NAALADL2: variants seen among roughly 807,000 people sequenced by gnomAD.
NAALADL2 encodes the protein N-acetylated alpha-linked acidic dipeptidase like 2.
In NAALADL2, 76 loss-of-function variants were observed where a neutral mutation model predicts 87.2. The observed-to-expected ratio is 0.87, with a 90% confidence interval of 0.72 to 1.05. NAALADL2 has a LOEUF of 1.05. Ranked by LOEUF, NAALADL2 falls within the 50% of genes least tolerant of loss-of-function variation. NAALADL2 has a pLI of 0.00. For missense variants in NAALADL2, 1,089 were observed against 945.8 expected, an observed-to-expected ratio of 1.15 and a Z score of -1.99; for synonymous variants, 354 against 331.0, an observed-to-expected ratio of 1.07 and a Z score of -0.75.
At chr3:174,597,572 T>C (rs1409953643) in intron 2 of NAALADL2, among the ~76,000 whole-genome samples, 1 of 152,202 alleles carries the variant, frequency 6.6e-6, no homozygotes, top group Non-Finnish European at 1.5e-5. Flanking sequence ...CCTTTCCATA[T>C]ACAATATTTT....
chr3:175,328,220 C>CA (rs145381328), intron 5 of NAALADL2, among the ~76,000 whole-genome samples: 6,639 of 152,222 alleles, frequency 0.044, 471 homozygotes, highest in African/African-American at 0.15. Context: ...ATACCACATA[C>CA]ACACCCATGT....
intron 13 of NAALADL2, among the ~76,000 whole-genome samples, chr3:175,771,138 C>T (rs1583175522): frequency 6.6e-6 from 1 of 151,862 alleles, no homozygotes; most frequent in East Asian, 1.9e-4. Flanking sequence ...AAATGTTTGC[C>T]CTTTTATTTT....
At chr3:174,999,913 A>G (rs1372537947) in intron 1 of NAALADL2, among the ~76,000 whole-genome samples, 1 of 152,158 alleles carries the variant, frequency 6.6e-6, no homozygotes, top group Non-Finnish European at 1.5e-5. Flanking sequence ...CCAAATGGAG[A>G]ACTTCTAGTT....
chr3:174,874,994 G>T (rs561992172), intron 1 of NAALADL2, among the ~76,000 whole-genome samples: 4 of 151,576 alleles, frequency 2.6e-5, no homozygotes, highest in Middle Eastern at 3.4e-3. Flanking sequence ...TGCACCCATA[G>T]TCCCAGCTAT....
chr3:175,199,835 TATATATATATATATATATATA>T (rs1739583083), intron 2 of NAALADL2, among the ~76,000 whole-genome samples: 3 of 11,252 alleles, frequency 2.7e-4, no homozygotes, highest in African/African-American at 3.8e-4. Context: ...TATATATATA[TATATATATATATATATATATA>T]TATATATATT....
chr3:174,828,167 C>CAACACAACACAACACAACACA (rs1553866755), intron 3 of NAALADL2, among the ~76,000 whole-genome samples: 2 of 151,576 alleles, frequency 1.3e-5, no homozygotes, highest in African/African-American at 4.9e-5. Flanking sequence ...AAACCAACCA[C>CAACACAACACAACACAACACA]ACACAACACA....
chr3:175,263,609 A>T (rs984209289), intron 4 of NAALADL2, among the ~76,000 whole-genome samples: 1 of 151,892 alleles, frequency 6.6e-6, no homozygotes, highest in Non-Finnish European at 1.5e-5. Context: ...TATAGTTAGC[A>T]TTCATAATCC....
intron 2 of NAALADL2, among the ~76,000 whole-genome samples, chr3:175,117,430 A>G (rs988288275): frequency 4.6e-5 from 7 of 152,224 alleles, no homozygotes; most frequent in East Asian, 1.9e-4. Context: ...AAATCAAACA[A>G]CCTCATCAAA....
At chr3:175,320,583 A>G (rs892918433) in intron 4 of NAALADL2, among the ~76,000 whole-genome samples, 3 of 152,186 alleles carry the variant, frequency 2.0e-5, no homozygotes, top group Admixed American at 6.5e-5. Context: ...CAGTATTTCA[A>G]CATTTTAATG....
Position 175,335,592 on chromosome 3 carries a change from A to G in NAALADL2, c.1090+11267A>G, listed in dbSNP as rs114175748. On this transcript the variant is annotated intron_variant, in intron 5 of 13. Coordinates refer to ENST00000454872, the MANE Select transcript of NAALADL2 (RefSeq NM_207015.3). ...TATTTTCTATTTTTAGAATTCTCTG[A>G]AGAGTTTTTGAATTTTAAGTATGTA... 5.5e-3 allele frequency among the ~76,000 whole-genome samples: 840 copies of G among 152,306 alleles called. 10 individuals are homozygous for G. Among genetic ancestry groups the G allele is most frequent in the African/African-American group, 0.019 (777 of 41,564 alleles).
chr3:175,643,928 C>A (rs950062408), intron 11 of NAALADL2, among the ~76,000 whole-genome samples: 1 of 152,026 alleles, frequency 6.6e-6, no homozygotes, highest in African/African-American at 2.4e-5. Context: ...TGGCAATTTT[C>A]CTTGATATGA....
intron 2 of NAALADL2, among the ~76,000 whole-genome samples, chr3:174,700,913 T>A (rs1729484692): frequency 6.6e-6 from 1 of 152,106 alleles, no homozygotes. Context: ...GCAAGTGCAA[T>A]GGTCCTGTTG....
chr3:174,934,896 T>C (rs1031212482), intron 1 of NAALADL2, among the ~76,000 whole-genome samples: 2 of 151,666 alleles, frequency 1.3e-5, no homozygotes, highest in African/African-American at 4.9e-5. Context: ...TCCTTTTGGG[T>C]GGAGCACCGA....
At chr3:175,194,337 A>G (rs2109081445) in intron 2 of NAALADL2, among the ~76,000 whole-genome samples, 1 of 151,954 alleles carries the variant, frequency 6.6e-6, no homozygotes, top group Admixed American at 6.6e-5. Context: ...ACAGAGATGA[A>G]TCATAGTTTC....
chr3:175,522,407 T>C (rs560743406), intron 9 of NAALADL2, among the ~76,000 whole-genome samples: 2 of 152,294 alleles, frequency 1.3e-5, no homozygotes, highest in Admixed American at 1.3e-4. Flanking sequence ...AAGGCCCCAC[T>C]GAGGTCATGT....
chr3:174,788,876 T>A (rs944571722), intron 3 of NAALADL2, among the ~76,000 whole-genome samples: 19 of 152,270 alleles, frequency 1.2e-4, no homozygotes, highest in African/African-American at 4.6e-4. Context: ...GGCCCTCTCA[T>A]TACATTCTAA....
At chr3:174,732,725 G>T (rs186057958) in intron 2 of NAALADL2, among the ~76,000 whole-genome samples, 2 of 152,244 alleles carry the variant, frequency 1.3e-5, no homozygotes, top group Non-Finnish European at 2.9e-5. Flanking sequence ...TTATTGATAA[G>T]TAAAGTGTCT....
At chr3:175,451,664 A>T (rs1457245693) in intron 6 of NAALADL2, among the ~76,000 whole-genome samples, 1 of 152,156 alleles carries the variant, frequency 6.6e-6, no homozygotes, top group African/African-American at 2.4e-5. Flanking sequence ...ATTTTAAGAT[A>T]TTTGATGATT....
At chr3:174,656,331 T>C (rs1341243741) in intron 2 of NAALADL2, among the ~76,000 whole-genome samples, 2 of 152,108 alleles carry the variant, frequency 1.3e-5, no homozygotes, top group African/African-American at 2.4e-5. Context: ...TTTCCCAAAA[T>C]AGATAAATTT....
Sources: allele counts gnomAD v4.1 joint callset (sites outside exome capture counted in the v4.1 genomes callset), GRCh38; gene constraint gnomAD v4.1.1; transcripts MANE v1.5; gene names NCBI Gene and HGNC (gene_info 2026-07-23, HGNC 2026-07-21).